The following LRIF1 variants were observed in gnomAD, a reference collection of about 807,000 sequenced individuals.
LRIF1 encodes ligand-dependent nuclear receptor-interacting factor 1.
LRIF1 carries 32 observed loss-of-function variants against 52.7 expected under a neutral mutation model. The ratio of observed to expected loss-of-function variants is 0.61; its 90% CI spans 0.46 to 0.82. The LOEUF (loss-of-function observed/expected upper bound fraction) is 0.82. Ranked by LOEUF, LRIF1 falls within the 40% of genes least tolerant of loss-of-function variation. The pLI is 0.00. For synonymous variants in LRIF1, 323 were observed against 317.4 expected, an observed-to-expected ratio of 1.02 and a Z score of -0.19; for missense variants, 887 against 892.0, an observed-to-expected ratio of 0.99 and a Z score of 0.07.
At chr1:110,885,033 T>G in the LRIF1 span, among the ~76,000 whole-genome samples, 3 of 152,152 alleles carry the variant, frequency 2.0e-5, no homozygotes, top group Non-Finnish European at 4.4e-5. Flanking sequence ...CATTTGTTGT[T>G]ACCCCTTTTC....
downstream of LRIF1, among the ~76,000 whole-genome samples, chr1:110,947,009 C>T (rs1186657455): frequency 6.6e-6 from 1 of 151,964 alleles, no homozygotes; most frequent in Non-Finnish European, 1.5e-5. Context: ...GAGACAGGGT[C>T]TCACTGTGCT....
At chr1:110,900,045 G>T in the LRIF1 span, 1 of 152,448 alleles carries the variant, frequency 6.6e-6, no homozygotes, top group African/African-American at 2.4e-5. Context: ...AAATTTAGTG[G>T]CTGAGGACAA....
At position 110,951,640 on chromosome 1, in the gene LRIF1, AC is replaced by A; in HGVS notation, c.1243del (p.Val415PhefsTer26). On this transcript the variant is annotated frameshift_variant, in exon 2 of 4. Transcript: ENST00000369763. LOFTEE classifies it high-confidence loss of function. ...TEISREVVNI[V>X]LAKSKSSQME... ...CTGGGAAGATTTACTTTTAGCCAAA[AC>A]AATATTTACAACCTCTCTGGATATT... 1 of 1,614,090 alleles carries A rather than the reference AC, an allele frequency of 6.2e-7. No homozygotes were observed. Among genetic ancestry groups the A allele is most frequent in the Non-Finnish European group, 8.5e-7 (1 of 1,180,016 alleles).
chr1:110,883,857 T>G, the LRIF1 span, among the ~76,000 whole-genome samples: 2 of 151,998 alleles, frequency 1.3e-5, no homozygotes, highest in East Asian at 3.8e-4. Flanking sequence ...ATTTTTGATA[T>G]CTATAGAATT....
the LRIF1 span, among the ~76,000 whole-genome samples, chr1:110,920,852 A>C: frequency 5.9e-5 from 9 of 152,230 alleles, no homozygotes; most frequent in Non-Finnish European, 1.2e-4. Flanking sequence ...GCTCTAATAA[A>C]TAAAGTGTAT....
the LRIF1 span, among the ~76,000 whole-genome samples, chr1:110,878,535 A>C: frequency 6.6e-6 from 1 of 152,156 alleles, no homozygotes; most frequent in South Asian, 2.1e-4. Flanking sequence ...TTTCTTCTTT[A>C]TACTTTTCTT....
chr1:110,904,282 T>C, the LRIF1 span, among the ~76,000 whole-genome samples: 1 of 152,284 alleles, frequency 6.6e-6, no homozygotes, highest in South Asian at 2.1e-4. Context: ...TAAGTGAACA[T>C]AGGCAGTAGT....
At chr1:110,956,454 T>C (rs1658704543) in intron 1 of LRIF1, among the ~76,000 whole-genome samples, 1 of 152,094 alleles carries the variant, frequency 6.6e-6, no homozygotes, top group Non-Finnish European at 1.5e-5. Context: ...AATGAGAGAA[T>C]AAAAGGCTAA....
In LRIF1 at chr1:110,947,761, G is replaced by T; in HGVS notation, c.*198C>A. 1.8e-6 allele frequency: 1 copy of T among 555,990 alleles called. No individual in the cohort carries two copies. Among genetic ancestry groups the T allele is most frequent in the Non-Finnish European group, 2.9e-6 (1 of 350,022 alleles). 34.4% of individuals were successfully genotyped at this position (555,990 alleles called of 1,614,324 possible). On this transcript the variant is annotated 3_prime_UTR_variant, in exon 4 of 4. Transcript: ENST00000369763. ...CCAAAAAAAGGTATCTAAGACAAAG[G>T]TATAGATACCCCATGTAAATTATTC...
At chr1:110,902,257 C>T in the LRIF1 span, among the ~76,000 whole-genome samples, 10 of 152,096 alleles carry the variant, frequency 6.6e-5, no homozygotes, top group African/African-American at 2.2e-4. Context: ...CTGTCAAGCC[C>T]TACATGAGAT....
At chr1:110,946,374 T>C (rs1658204764), downstream of LRIF1, among the ~76,000 whole-genome samples, 1 of 152,152 alleles carries the variant, frequency 6.6e-6, no homozygotes, top group African/African-American at 2.4e-5. Flanking sequence ...TAAGGTTTGT[T>C]TGGGGGATGT....
chr1:110,949,756 T>C, intron 3 of LRIF1, 95 bp downstream of exon 3: 1 of 1,287,170 alleles, frequency 7.8e-7, no homozygotes, highest in Non-Finnish European at 1.1e-6. Flanking sequence ...CCATCATTTA[T>C]ACTAATGCAC....
At chr1:110,909,716 G>T in the LRIF1 span, among the ~76,000 whole-genome samples, 1 of 151,784 alleles carries the variant, frequency 6.6e-6, no homozygotes, top group African/African-American at 2.4e-5. Flanking sequence ...AAGTAGCTGG[G>T]ATTACAGGCA....
chr1:110,961,597 A>G (rs905281664), intron 1 of LRIF1, among the ~76,000 whole-genome samples: 2 of 152,202 alleles, frequency 1.3e-5, no homozygotes, highest in African/African-American at 4.8e-5. Flanking sequence ...ACAATATACA[A>G]TTCTGTATTA....
chr1:110,885,812 C>T, the LRIF1 span, among the ~76,000 whole-genome samples: 4 of 151,712 alleles, frequency 2.6e-5, no homozygotes, highest in Non-Finnish European at 4.4e-5. Flanking sequence ...TGCAGTGAGC[C>T]GAGATCACAC....
At chr1:110,914,563 G>A in the LRIF1 span, among the ~76,000 whole-genome samples, 1 of 152,144 alleles carries the variant, frequency 6.6e-6, no homozygotes. Flanking sequence ...AGACCAGCCT[G>A]ACCAACGTGG....
At chr1:110,934,663 G>A in the LRIF1 span, among the ~76,000 whole-genome samples, 1 of 152,198 alleles carries the variant, frequency 6.6e-6, no homozygotes, top group Non-Finnish European at 1.5e-5. Flanking sequence ...TTGAATGCTG[G>A]TTCAGTCACA....
intron 1 of LRIF1, among the ~76,000 whole-genome samples, chr1:110,961,575 AAACAATATAC>A (rs1198333224): frequency 6.6e-6 from 1 of 152,214 alleles, no homozygotes; most frequent in Non-Finnish European, 1.5e-5. Flanking sequence ...GAGATACTTC[AAACAATATAC>A]AACAATATAC....
At position 110,963,646 on chromosome 1, in the gene LRIF1, C is replaced by T. The variant is rs371139292; in HGVS notation, c.43G>A (p.Glu15Lys). The T allele has an allele frequency of 4.3e-6, 7 of 1,610,268 alleles. No individual in the cohort carries two copies. The highest frequency in any genetic ancestry group is 5.9e-6 in the Non-Finnish European group (7 of 1,177,026). Residue 15 changes from glutamate (E) to lysine (K), a missense_variant, in exon 1 of 4, where the codon GAA (glutamate) becomes AAA (lysine). Glu to Lys is a moderately conservative substitution (Grantham distance 56). Transcript: ENST00000369763. Reference sequence around the variant, plus strand: ...CAACGCGAGGCGTTGCCTGAATTTTCCTCTGCGGGTTTCAGGAAGACCCTC... The same window carrying T: ...CAACGCGAGGCGTTGCCTGAATTTTTCTCTGCGGGTTTCAGGAAGACCCTC... ...LRRVFLKPAE[E>K]NSGNASRCVS...
Sources: gnomAD v4.1 joint callset for allele counts (sites outside exome capture counted in the v4.1 genomes callset) on GRCh38, gnomAD v4.1.1 for gene constraint, MANE v1.5 for transcripts, NCBI Gene and HGNC (gene_info 2026-07-23, HGNC 2026-07-21) for gene names.